Variants in CYP27A1 observed in about 807,000 individuals in gnomAD.
CYP27A1 encodes sterol 26-hydroxylase, mitochondrial.
Under a neutral mutation model 58.2 loss-of-function variants are expected in CYP27A1, and 46 were observed. That is an observed-to-expected ratio of 0.79 (90% CI 0.62 to 1.01). The LOEUF (loss-of-function observed/expected upper bound fraction) is 1.01, where lower values mean the gene tolerates loss of function less well. CYP27A1 is among the 50% of genes least tolerant of loss of function. CYP27A1 has a pLI of 0.00. For missense variants in CYP27A1, 704 were observed against 687.0 expected, an observed-to-expected ratio of 1.02 and a Z score of -0.28; for synonymous variants, 274 against 285.1, an observed-to-expected ratio of 0.96 and a Z score of 0.39.
chr2:218,795,798 T>C (rs779128371), intron 1 of CYP27A1, among the ~76,000 whole-genome samples: 2 of 152,222 alleles, frequency 1.3e-5, no homozygotes, highest in Non-Finnish European at 2.9e-5. Flanking sequence ...AAAATCATAA[T>C]AGGACTGAGT....
chr2:218,792,144 A>T (rs7559490), intron 1 of CYP27A1, among the ~76,000 whole-genome samples: 54,116 of 151,778 alleles, frequency 0.36, 10,403 homozygotes, highest in Non-Finnish European at 0.43. Flanking sequence ...AACTTTTAAT[A>T]AAAAAAAGCT....
chr2:218,790,569 G>A (rs1301125879), intron 1 of CYP27A1, among the ~76,000 whole-genome samples: 1 of 152,216 alleles, frequency 6.6e-6, no homozygotes, highest in East Asian at 1.9e-4. Context: ...TCCCTGTTTA[G>A]CCAGCAGGTA....
intron 1 of CYP27A1, among the ~76,000 whole-genome samples, chr2:218,801,303 G>T (rs1223007313): frequency 6.6e-6 from 1 of 152,034 alleles, no homozygotes; most frequent in Non-Finnish European, 1.5e-5. Flanking sequence ...TCAGGAGTTC[G>T]AGACCAGCCT....
intron 2 of CYP27A1, among the ~76,000 whole-genome samples, chr2:218,811,466 G>A (rs1943714718): frequency 6.6e-6 from 1 of 152,216 alleles, no homozygotes; most frequent in South Asian, 2.1e-4. Context: ...TGGGAGTGGG[G>A]GCAGTCCCTG....
intron 1 of CYP27A1, among the ~76,000 whole-genome samples, chr2:218,798,805 C>T (rs1449948688): frequency 6.6e-6 from 1 of 152,126 alleles, no homozygotes; most frequent in Non-Finnish European, 1.5e-5. Flanking sequence ...ATTGCTTGAA[C>T]CCGGGAGGCG....
rs143844199 is a variant in CYP27A1, at chr2:218,814,987, C to G, written c.1553C>G (p.Pro518Arg). ...LKSVARIVLV[P>R]NKKVGLQFLQ... The stretch of plus-strand genomic sequence containing the variant: ...AGTGTGGCCCGCATTGTCCTGGTTC[C>G]CAATAAGAAAGTGGGCCTGCAGTTC... The change falls in exon 9 of 9, where the codon CCC (proline) becomes CGC (arginine). Residue 518 changes from proline to arginine, a missense_variant. By Grantham distance (103) the Pro-to-Arg change is moderately radical. Coordinates refer to ENST00000258415, the MANE Select transcript of CYP27A1 (RefSeq NM_000784.4). The G allele has an allele frequency of 1.2e-6, 2 of 1,614,088 alleles. No homozygotes were observed. Among genetic ancestry groups the G allele is most frequent in the African/African-American group, 2.7e-5 (2 of 74,928 alleles).
intron 1 of CYP27A1, among the ~76,000 whole-genome samples, chr2:218,808,620 C>T (rs144393609): frequency 5.3e-5 from 8 of 152,226 alleles, no homozygotes; most frequent in East Asian, 1.9e-4. Context: ...ATACTGGAAC[C>T]GATTCTGATC....
intron 1 of CYP27A1, among the ~76,000 whole-genome samples, chr2:218,784,424 T>G (rs569457592): frequency 6.6e-6 from 1 of 152,336 alleles, no homozygotes; most frequent in African/African-American, 2.4e-5. Flanking sequence ...TGTAAATGTC[T>G]ACAGGAGGCC....
chr2:218,803,722 CTTTTTTTTTTTT>C (rs71040407), intron 1 of CYP27A1, among the ~76,000 whole-genome samples: 8 of 57,780 alleles, frequency 1.4e-4, no homozygotes, highest in Admixed American at 6.7e-4. Context: ...GTGCCCCCGT[CTTTTTTTTTTTT>C]TTTTTTTTTT....
intron 1 of CYP27A1, among the ~76,000 whole-genome samples, chr2:218,800,458 C>G (rs1224846955): frequency 2.0e-5 from 3 of 152,042 alleles, no homozygotes; most frequent in Non-Finnish European, 4.4e-5. Flanking sequence ...AAACACATGA[C>G]CATGAGACAA....
intron 1 of CYP27A1, among the ~76,000 whole-genome samples, chr2:218,791,420 C>T (rs965142357): frequency 2.6e-5 from 4 of 152,146 alleles, no homozygotes; most frequent in Non-Finnish European, 5.9e-5. Flanking sequence ...AATAAAAGTA[C>T]ACCCCATGAG....
chr2:218,782,560 C>T lies in CYP27A1; in HGVS notation c.255+123C>T. 5.5e-6 allele frequency: 7 copies of T among 1,262,056 alleles called. No individual in the cohort carries two copies. In the South Asian group the frequency reaches 8.6e-5, roughly 15 times the overall value. 78.2% of individuals were successfully genotyped at this position (1,262,056 alleles called of 1,614,324 possible). A position where few individuals can be genotyped will look rare whatever the true frequency, so the allele number is the denominator to read the frequency against. On this transcript the variant is annotated intron_variant, in intron 1 of 8. Coordinates refer to ENST00000258415, the MANE Select transcript of CYP27A1 (RefSeq NM_000784.4). This position sits in a 1 kb window ranked among gnomAD's most constrained non-coding sequence, Gnocchi z 4.1. ...GAACTCAGCTGGGGACCCACTGAGG[C>T]TATGGTCATAAACTGGAAATCAGTA...
intron 2 of CYP27A1, among the ~76,000 whole-genome samples, chr2:218,810,134 C>T (rs1943697327): frequency 6.6e-6 from 1 of 151,918 alleles, no homozygotes; most frequent in Non-Finnish European, 1.5e-5. Context: ...CAAAAATTAG[C>T]CAGGTGTGGT....
At position 218,814,898 on chromosome 2, in the gene CYP27A1, C is replaced by A. The variant is rs780929951; in HGVS notation, c.1477-13C>A. On this transcript the variant is annotated splice_polypyrimidine_tract_variant and intron_variant, in intron 8 of 8. Coordinates refer to ENST00000258415, the MANE Select transcript of CYP27A1 (RefSeq NM_000784.4). Reference sequence around the variant, plus strand: ...CACAATCCACCCAACCACATGTGCTCTTTACCCCCCAGCTGATCCAGAAGT... The same window carrying A: ...CACAATCCACCCAACCACATGTGCTATTTACCCCCCAGCTGATCCAGAAGT... 6.2e-7 allele frequency: 1 copy of A among 1,614,210 alleles called. No individual in the cohort carries two copies. The highest frequency in any genetic ancestry group is 8.5e-7 in the Non-Finnish European group (1 of 1,180,034).
At chr2:218,799,689 AC>A (rs1943580921) in intron 1 of CYP27A1, among the ~76,000 whole-genome samples, 1 of 151,912 alleles carries the variant, frequency 6.6e-6, no homozygotes. Context: ...TTCCCTATAT[AC>A]ATACATCCTA....
At chr2:218,802,504 A>G (rs13013510) in intron 1 of CYP27A1, among the ~76,000 whole-genome samples, 78,507 of 151,942 alleles carry the variant, frequency 0.52, 21,043 homozygotes, top group African/African-American at 0.62. Context: ...GCTTTTTGGA[A>G]CGTTGTTCTA....
chr2:218,792,198 G>T (rs1042841412), intron 1 of CYP27A1, among the ~76,000 whole-genome samples: 2 of 152,148 alleles, frequency 1.3e-5, no homozygotes, highest in Non-Finnish European at 2.9e-5. Context: ...GGTTCTCTGT[G>T]AGTCCATGCT....
intron 2 of CYP27A1, 102 bp from the exon 3 acceptor site, chr2:218,812,120 G>T: frequency 1.2e-6 from 1 of 844,358 alleles, no homozygotes; most frequent in Non-Finnish European, 2.0e-6. Flanking sequence ...GATTTCCCTT[G>T]ACTCTGGATG....
chr2:218,808,674 C>G (rs1943675356), intron 1 of CYP27A1, among the ~76,000 whole-genome samples: 2 of 152,076 alleles, frequency 1.3e-5, no homozygotes, highest in South Asian at 4.1e-4. Flanking sequence ...GATGAAGTGC[C>G]CAGGAAACCA....
Sources: allele counts gnomAD v4.1 joint callset (sites outside exome capture counted in the v4.1 genomes callset), GRCh38; gene constraint gnomAD v4.1.1; non-coding constraint Gnocchi (gnomAD v3.1); transcripts MANE v1.5; gene names NCBI Gene and HGNC (gene_info 2026-07-23, HGNC 2026-07-21).